Variants in RGS20 observed in about 807,000 individuals in gnomAD.
The protein encoded by RGS20 is gz-selective GTPase-activating protein.
In RGS20, 30 loss-of-function variants were observed where a neutral mutation model predicts 33.6. That is an observed-to-expected ratio of 0.89 (90% CI 0.67 to 1.21). The LOEUF (loss-of-function observed/expected upper bound fraction) is 1.21, where lower values mean the gene tolerates loss of function less well. Ranked by LOEUF, RGS20 falls within the 50% of genes most tolerant of loss-of-function variation. The pLI, the probability that RGS20 is intolerant of heterozygous loss-of-function variation, is 0.00. For missense variants in RGS20, 472 were observed against 502.4 expected (o/e 0.94, Z 0.58); for synonymous variants, 208 against 197.9 (o/e 1.05, Z -0.43).
chr8:53,880,833 C>T, intron 2 of RGS20, 39 bp from the exon 1 acceptor site: 1 of 1,370,238 alleles, frequency 7.3e-7, no homozygotes, highest in Non-Finnish European at 9.4e-7. Context: ...CGTGGGATTG[C>T]CCGGCCGGGT....
At chr8:53,852,620 A>T (rs528392260) in intron 1 of RGS20, among the ~76,000 whole-genome samples, 31 of 152,266 alleles carry the variant, frequency 2.0e-4, no homozygotes, top group Non-Finnish European at 3.8e-4. Flanking sequence ...TTCCTGCTGG[A>T]TGTTGTGTGT....
intron 2 of RGS20, among the ~76,000 whole-genome samples, chr8:53,908,942 A>G (rs917188974): frequency 6.6e-6 from 1 of 152,094 alleles, no homozygotes; most frequent in Non-Finnish European, 1.5e-5. Context: ...TAAAATTTAA[A>G]ATATTGGCAT....
chr8:53,925,008 A>G (rs749551257), intron 2 of RGS20, among the ~76,000 whole-genome samples: 1 of 152,106 alleles, frequency 6.6e-6, no homozygotes, highest in Non-Finnish European at 1.5e-5. Flanking sequence ...ACCTGGAGCA[A>G]TTTTAGTCCC....
chr8:53,921,709 C>G (rs1173500136), intron 2 of RGS20, among the ~76,000 whole-genome samples: 1 of 151,902 alleles, frequency 6.6e-6, no homozygotes, highest in Non-Finnish European at 1.5e-5. Context: ...ATCTTTCATT[C>G]CTGATTTTGG....
intron 2 of RGS20, among the ~76,000 whole-genome samples, chr8:53,881,633 G>T (rs2129274741): frequency 6.6e-6 from 1 of 152,236 alleles, no homozygotes; most frequent in South Asian, 2.1e-4. Flanking sequence ...CGAGGGGCAG[G>T]GTGAGGAAGT....
chr8:53,948,119 G>GTAGTATATATATGCTATATATATGATA (rs1814578510), intron 4 of RGS20, among the ~76,000 whole-genome samples: 1 of 128,610 alleles, frequency 7.8e-6, no homozygotes, highest in Admixed American at 8.3e-5. Flanking sequence ...TATATAAGAT[G>GTAGTATATATATGCTATATATATGATA]TAGTATATAT....
chr8:53,919,574 T>A (rs1394075088), intron 2 of RGS20, among the ~76,000 whole-genome samples: 2 of 151,874 alleles, frequency 1.3e-5, no homozygotes, highest in Non-Finnish European at 2.9e-5. Flanking sequence ...TGGTGTCGTT[T>A]GAAGCATAAC....
intron 1 of RGS20, among the ~76,000 whole-genome samples, chr8:53,863,398 C>T (rs2129268648): frequency 6.6e-6 from 1 of 152,240 alleles, no homozygotes; most frequent in South Asian, 2.1e-4. Context: ...CTCAGGGGCC[C>T]AAGAGCAGAT....
intron 2 of RGS20, among the ~76,000 whole-genome samples, chr8:53,920,885 A>G (rs1428455392): frequency 6.6e-6 from 1 of 152,136 alleles, no homozygotes; most frequent in Non-Finnish European, 1.5e-5. Context: ...CAGCCTCCTG[A>G]GTAGCTGGGA....
At chr8:53,933,429 C>A (rs1814033159) in intron 2 of RGS20, among the ~76,000 whole-genome samples, 2 of 152,006 alleles carry the variant, frequency 1.3e-5, no homozygotes, top group Non-Finnish European at 2.9e-5. Flanking sequence ...CCTGATGTAG[C>A]TGAAAAACAC....
chr8:53,882,461 C>T (rs1242159063), intron 2 of RGS20, among the ~76,000 whole-genome samples: 1 of 152,088 alleles, frequency 6.6e-6, no homozygotes, highest in Admixed American at 6.5e-5. Context: ...CCCAGGGGAG[C>T]AGCTGCTGCC....
At chr8:53,928,494 T>A (rs1244522485) in intron 2 of RGS20, among the ~76,000 whole-genome samples, 1 of 152,212 alleles carries the variant, frequency 6.6e-6, no homozygotes, top group Non-Finnish European at 1.5e-5. Context: ...GAATACAGTC[T>A]TAATAACAGT....
intron 1 of RGS20, among the ~76,000 whole-genome samples, chr8:53,867,917 G>C (rs1027687725): frequency 2.6e-5 from 4 of 152,082 alleles, no homozygotes; most frequent in African/African-American, 9.7e-5. Context: ...TAGAGCCGGG[G>C]TTTTGCCACA....
intron 2 of RGS20, among the ~76,000 whole-genome samples, chr8:53,893,561 C>T (rs1219797619): frequency 6.6e-6 from 1 of 152,184 alleles, no homozygotes; most frequent in Non-Finnish European, 1.5e-5. Flanking sequence ...CGGCTTTGCT[C>T]TCTGACCTCC....
chr8:53,925,929 A>C (rs1813783813), intron 2 of RGS20, among the ~76,000 whole-genome samples: 1 of 151,494 alleles, frequency 6.6e-6, no homozygotes, highest in South Asian at 2.1e-4. Context: ...GGTTTATTAA[A>C]GCAAAAGTAG....
rs1813756823 is a variant in RGS20 at position 53,925,095 on chromosome 8, C to T, written c.511-14481C>T. On this transcript the variant is annotated intron_variant, in intron 2 of 5. Coordinates refer to ENST00000297313, the MANE Select transcript of RGS20 (RefSeq NM_170587.4). ...AAGCAGGCCCACTGCTTGCACTCTG[C>T]CCATTGATTTACACTGCCATTGCGT... Among the ~76,000 whole-genome samples, 3 of 152,192 alleles carry T rather than the reference C, an allele frequency of 2.0e-5. No individual in the cohort carries two copies. The South Asian group carries it at 6.2e-4, about 32-fold the overall frequency.
intron 2 of RGS20, among the ~76,000 whole-genome samples, chr8:53,897,827 GA>G (rs1458841587): frequency 1.3e-5 from 2 of 152,252 alleles, no homozygotes; most frequent in African/African-American, 4.8e-5. Context: ...CATCACATCA[GA>G]GGGACACAAT....
chr8:53,912,006 G>T (rs1585913644), intron 2 of RGS20, among the ~76,000 whole-genome samples: 1 of 151,998 alleles, frequency 6.6e-6, no homozygotes, highest in African/African-American at 2.4e-5. Flanking sequence ...GAAAAATAAG[G>T]ATATTTAAAC....
intron 2 of RGS20, among the ~76,000 whole-genome samples, chr8:53,909,229 A>ATATG (rs1339444230): frequency 7.9e-6 from 1 of 126,104 alleles, no homozygotes; most frequent in Non-Finnish European, 1.6e-5. Flanking sequence ...ATATATATAT[A>ATATG]TATATATATA....
Sources: allele counts gnomAD v4.1 joint callset (sites outside exome capture counted in the v4.1 genomes callset), GRCh38; gene constraint gnomAD v4.1.1; transcripts MANE v1.5; gene names NCBI Gene and HGNC (gene_info 2026-07-23, HGNC 2026-07-21).